The following MACROD2 variants were observed in gnomAD, a reference collection of about 807,000 sequenced individuals.
MACROD2 encodes the protein mono-ADP ribosylhydrolase 2.
In MACROD2, 36 loss-of-function variants were observed where a neutral mutation model predicts 70.4. The observed-to-expected ratio is 0.51, with a 90% CI of 0.39 to 0.68. MACROD2 has a LOEUF of 0.68. MACROD2 is among the 30% of genes least tolerant of loss of function. MACROD2 has a pLI of 0.00. For synonymous variants in MACROD2, 172 were observed against 178.8 expected, an observed-to-expected ratio of 0.96 and a Z score of 0.30; for missense variants, 496 against 538.4, an observed-to-expected ratio of 0.92 and a Z score of 0.78.
At chr20:15,396,155 G>T (rs1027852210) in intron 6 of MACROD2, among the ~76,000 whole-genome samples, 2 of 152,114 alleles carry the variant, frequency 1.3e-5, no homozygotes, top group Admixed American at 6.5e-5. Context: ...TTCTGAGCAG[G>T]GAAGTCCATG....
intron 7 of MACROD2, among the ~76,000 whole-genome samples, chr20:15,435,777 T>C (rs1450443732): frequency 1.3e-5 from 2 of 152,128 alleles, no homozygotes; most frequent in Non-Finnish European, 2.9e-5. Flanking sequence ...GAGAGTAATG[T>C]GGTTCAAAAT....
chr20:15,359,724 A>T (rs1020067064), intron 6 of MACROD2, among the ~76,000 whole-genome samples: 4 of 152,074 alleles, frequency 2.6e-5, no homozygotes, highest in African/African-American at 9.7e-5. Context: ...AGAGAATTTA[A>T]TTTTTTTAAC....
intron 6 of MACROD2, among the ~76,000 whole-genome samples, chr20:15,408,578 T>A (rs948544793): frequency 3.9e-5 from 6 of 152,174 alleles, no homozygotes; most frequent in Admixed American, 2.6e-4. Context: ...CGGAGCAAAG[T>A]CCTCACTAAA....
At chr20:15,505,228 G>A (rs2047411107) in intron 8 of MACROD2, among the ~76,000 whole-genome samples, 1 of 152,068 alleles carries the variant, frequency 6.6e-6, no homozygotes, top group Non-Finnish European at 1.5e-5. Context: ...ATACCCCAAG[G>A]GAGCAAGCAT....
chr20:15,800,583 T>A (rs766002831), intron 8 of MACROD2, among the ~76,000 whole-genome samples: 2 of 152,200 alleles, frequency 1.3e-5, no homozygotes, highest in African/African-American at 2.4e-5. Context: ...TGAAAATCAG[T>A]TGGCTGAGCC....
chr20:15,683,264 C>T (rs2050184802), intron 8 of MACROD2, among the ~76,000 whole-genome samples: 1 of 152,130 alleles, frequency 6.6e-6, no homozygotes, highest in Non-Finnish European at 1.5e-5. Flanking sequence ...AATGCAATGC[C>T]TCTTTGGGCA....
rs573583518 is a variant in MACROD2 at position 14,499,289 on chromosome 20, G to A, written c.301+5781G>A. On this transcript the variant is annotated intron_variant, in intron 4 of 17. Transcript: ENST00000684519. ...CTCATGCCTGTAATTTCAGTACTTC[G>A]GGAGGCCAGGGTAGGAGGATTATTT... is the stretch of plus-strand genomic sequence containing the variant. Among the ~76,000 whole-genome samples the A allele has an allele frequency of 7.2e-5, 11 of 152,256 alleles. No homozygotes were observed. The South Asian group carries it at 1.9e-3, about 26-fold the overall frequency.
intron 5 of MACROD2, among the ~76,000 whole-genome samples, chr20:14,942,758 G>T (rs911311278): frequency 8.7e-6 from 1 of 114,760 alleles, no homozygotes; most frequent in Non-Finnish European, 1.9e-5. Flanking sequence ...TTAGATTTAT[G>T]CATATGAGCC....
chr20:15,499,947 C>CTAG, intron 8 of MACROD2, 100 bp downstream of exon 8: 1 of 1,130,986 alleles, frequency 8.8e-7, no homozygotes, highest in South Asian at 1.3e-5. Flanking sequence ...TCAACTACAC[C>CTAG]TAGTCATTGA....
chr20:14,762,073 C>T (rs144601342), intron 5 of MACROD2, among the ~76,000 whole-genome samples: 5 of 152,176 alleles, frequency 3.3e-5, no homozygotes, highest in African/African-American at 1.2e-4. Flanking sequence ...CGCTCAGGGC[C>T]TCGGCTGGTT....
At chr20:14,257,711 T>C (rs1237308254) in intron 3 of MACROD2, among the ~76,000 whole-genome samples, 1 of 152,218 alleles carries the variant, frequency 6.6e-6, no homozygotes, top group African/African-American at 2.4e-5. Context: ...AATTTAGTGA[T>C]GATTTATAAA....
At chr20:14,553,671 A>G (rs1032118875) in intron 4 of MACROD2, among the ~76,000 whole-genome samples, 1 of 152,098 alleles carries the variant, frequency 6.6e-6, no homozygotes, top group Non-Finnish European at 1.5e-5. Context: ...ATCTTATGGG[A>G]TCACCTTGTA....
At chr20:14,816,915 A>C (rs941656281) in intron 5 of MACROD2, among the ~76,000 whole-genome samples, 1 of 152,102 alleles carries the variant, frequency 6.6e-6, no homozygotes, top group African/African-American at 2.4e-5. Flanking sequence ...AAGATACAAG[A>C]GTAGCTACAT....
At chr20:14,946,325 T>A (rs753362539) in intron 5 of MACROD2, among the ~76,000 whole-genome samples, 3 of 152,206 alleles carry the variant, frequency 2.0e-5, no homozygotes, top group Non-Finnish European at 4.4e-5. Flanking sequence ...TTGATCACTA[T>A]CTATCTAGTT....
chr20:14,778,739 CT>C (rs2072264245), intron 5 of MACROD2, among the ~76,000 whole-genome samples: 1 of 152,112 alleles, frequency 6.6e-6, no homozygotes, highest in African/African-American at 2.4e-5. Flanking sequence ...TACTGTGAAG[CT>C]TGAGCTTAAG....
At chr20:15,538,000 A>C (rs2047899978) in intron 8 of MACROD2, among the ~76,000 whole-genome samples, 1 of 152,208 alleles carries the variant, frequency 6.6e-6, no homozygotes, top group Admixed American at 6.5e-5. Flanking sequence ...TGTGGGCAAT[A>C]ATAGCCATCA....
At chr20:14,679,314 G>A (rs938783926) in intron 4 of MACROD2, among the ~76,000 whole-genome samples, 8 of 152,190 alleles carry the variant, frequency 5.3e-5, no homozygotes, top group African/African-American at 1.9e-4. Context: ...CAGAAAAGGA[G>A]AGGGAATAGA....
At chr20:14,976,489 G>C (rs2074740787) in intron 5 of MACROD2, among the ~76,000 whole-genome samples, 1 of 152,114 alleles carries the variant, frequency 6.6e-6, no homozygotes, top group Non-Finnish European at 1.5e-5. Flanking sequence ...ATAACACTGG[G>C]CCCACCTGTG....
At chr20:14,974,367 T>C (rs1000749226) in intron 5 of MACROD2, among the ~76,000 whole-genome samples, 2 of 152,266 alleles carry the variant, frequency 1.3e-5, no homozygotes, top group South Asian at 2.1e-4. Flanking sequence ...GGTGCTGTCA[T>C]GAATGTCAGG....
Sources: gnomAD v4.1 joint callset for allele counts (sites outside exome capture counted in the v4.1 genomes callset) on GRCh38, gnomAD v4.1.1 for gene constraint, MANE v1.5 for transcripts, NCBI Gene and HGNC (gene_info 2026-07-23, HGNC 2026-07-21) for gene names.